TMEM232: variants seen among roughly 807,000 people sequenced by gnomAD.
The protein encoded by TMEM232 is transmembrane protein 232.
In TMEM232, 80 loss-of-function variants were observed where a neutral mutation model predicts 78.8. That is an observed-to-expected ratio of 1.01 (90% confidence interval 0.85 to 1.22). TMEM232 has a LOEUF of 1.22. Ranked by LOEUF, TMEM232 falls within the 50% of genes most tolerant of loss-of-function variation. TMEM232 has a pLI of 0.00. For synonymous variants in TMEM232, 297 were observed against 254.3 expected (o/e 1.17, Z -1.60); for missense variants, 881 against 742.2 (o/e 1.19, Z -2.17).
At chr5:110,416,806 A>G (rs777247144), downstream of TMEM232, among the ~76,000 whole-genome samples, 2 of 152,158 alleles carry the variant, frequency 1.3e-5, no homozygotes, top group Admixed American at 6.5e-5. Context: ...TATGCTCCCT[A>G]TCTCCAAACA....
chr5:110,733,325 C>T (rs1798853283), intron 2 of TMEM232, among the ~76,000 whole-genome samples: 1 of 152,112 alleles, frequency 6.6e-6, no homozygotes, highest in African/African-American at 2.4e-5. Flanking sequence ...CCACTTGACC[C>T]AGAAATCCCA....
chr5:110,602,842 G>A (rs899297582), intron 10 of TMEM232, among the ~76,000 whole-genome samples: 6 of 152,106 alleles, frequency 3.9e-5, no homozygotes, highest in Admixed American at 6.6e-5. Flanking sequence ...ACATGCACAC[G>A]TATGTTTATT....
chr5:110,495,940 GA>G (rs1343680882), intron 12 of TMEM232, among the ~76,000 whole-genome samples: 1 of 151,122 alleles, frequency 6.6e-6, no homozygotes, highest in Non-Finnish European at 1.5e-5. Context: ...TACTGACAAA[GA>G]AATAATAAAA....
At chr5:110,622,385 A>G (rs571446459) in intron 7 of TMEM232, among the ~76,000 whole-genome samples, 6 of 152,324 alleles carry the variant, frequency 3.9e-5, no homozygotes, top group Admixed American at 2.6e-4. Context: ...AGCAGGGTTT[A>G]AATCTACCTT....
intron 12 of TMEM232, among the ~76,000 whole-genome samples, chr5:110,499,640 C>CATAT (rs1461952407): frequency 6.9e-5 from 10 of 145,618 alleles, no homozygotes; most frequent in African/African-American, 2.5e-4. Flanking sequence ...CCCCCCCACA[C>CATAT]ACACACATAT....
At chr5:110,559,660 A>G (rs1439190964) in intron 11 of TMEM232, among the ~76,000 whole-genome samples, 1 of 152,198 alleles carries the variant, frequency 6.6e-6, no homozygotes, top group Non-Finnish European at 1.5e-5. Context: ...TACGTTAAAA[A>G]GGCTGAAAAT....
intron 6 of TMEM232, among the ~76,000 whole-genome samples, chr5:110,626,805 AT>A (rs1223294303): frequency 6.6e-6 from 1 of 152,020 alleles, no homozygotes; most frequent in East Asian, 1.9e-4. Flanking sequence ...ACCTTCTACT[AT>A]TTAATACTTC....
At chr5:110,670,370 C>T (rs993428610) in intron 1 of TMEM232, among the ~76,000 whole-genome samples, 18 of 152,134 alleles carry the variant, frequency 1.2e-4, no homozygotes, top group Non-Finnish European at 2.5e-4. Context: ...CATGAGTGAA[C>T]TCCCATTCAC....
intron 1 of TMEM232, among the ~76,000 whole-genome samples, chr5:110,674,800 A>G (rs903205584): frequency 6.6e-6 from 1 of 152,176 alleles, no homozygotes; most frequent in African/African-American, 2.4e-5. Context: ...CAATATGGAG[A>G]CAAACTTAGA....
intron 1 of TMEM232, among the ~76,000 whole-genome samples, chr5:110,712,400 A>G (rs944465212): frequency 6.6e-6 from 1 of 152,146 alleles, no homozygotes; most frequent in Non-Finnish European, 1.5e-5. Context: ...TCTATAGGAA[A>G]AAAAATCTAA....
In TMEM232 at chr5:110,538,818, T is replaced by G. The variant is rs138947548; in HGVS notation, c.1456-9983A>C. Among the ~76,000 whole-genome samples, 974 of 152,182 alleles carry G rather than the reference T, an allele frequency of 6.4e-3. 19 individuals are homozygous for G. Among genetic ancestry groups the G allele is most frequent in the African/African-American group, 0.022 (898 of 41,506 alleles). On this transcript the variant is annotated intron_variant, in intron 11 of 13. Transcript: ENST00000455884. ...TCATGGGTACCCAAATTCAGTTGTT[T>G]TTTTTTTTGATACAGAAGCAAATTA...
At chr5:110,430,919 T>C (rs974978438) in intron 12 of TMEM232, among the ~76,000 whole-genome samples, 8 of 151,762 alleles carry the variant, frequency 5.3e-5, no homozygotes, top group African/African-American at 1.9e-4. Flanking sequence ...AGGAAGGACC[T>C]GGAGAAGTAA....
chr5:110,657,384 AGTGTGTGTGT>A, intron 2 of TMEM232, among the ~76,000 whole-genome samples: 1 of 149,312 alleles, frequency 6.7e-6, no homozygotes, highest in South Asian at 2.1e-4. Flanking sequence ...TATCTATCTG[AGTGTGTGTGT>A]GTGTGTGTGT....
chr5:110,500,104 C>T lies in TMEM232; in HGVS notation c.1703+28484G>A, dbSNP rs1269681261. 8.6e-5 allele frequency among the ~76,000 whole-genome samples: 13 copies of T among 151,632 alleles called. No individual in the cohort carries two copies. In the East Asian group the frequency reaches 9.7e-4, roughly 11 times the overall value. ...GTCAGGAGTTCAAGACCAGCCTGGCCGACTTAGTGAAACCCTGTCTCTAGT... is the reference window on the plus strand; with the variant it reads ...GTCAGGAGTTCAAGACCAGCCTGGCTGACTTAGTGAAACCCTGTCTCTAGT... On this transcript the variant is annotated intron_variant, in intron 12 of 13. Coordinates refer to ENST00000455884, the MANE Select transcript of TMEM232 (RefSeq NM_001039763.4).
At chr5:110,422,928 A>AT (rs1191920784) in intron 13 of TMEM232, among the ~76,000 whole-genome samples, 1 of 152,198 alleles carries the variant, frequency 6.6e-6, no homozygotes, top group Non-Finnish European at 1.5e-5. Context: ...TCTATGGGAA[A>AT]TGGAAGCACC....
At chr5:110,443,197 G>A (rs535764485) in intron 12 of TMEM232, among the ~76,000 whole-genome samples, 1 of 152,278 alleles carries the variant, frequency 6.6e-6, no homozygotes, top group African/African-American at 2.4e-5. Flanking sequence ...TCCTGGGAAG[G>A]TCCAGAGATG....
At chr5:110,435,189 C>T (rs1333869135) in intron 12 of TMEM232, among the ~76,000 whole-genome samples, 1 of 151,716 alleles carries the variant, frequency 6.6e-6, no homozygotes, top group Admixed American at 6.6e-5. Context: ...CTGATTCCAC[C>T]AGAAGGCTCC....
chr5:110,462,289 TTGAG>T (rs1291986852), intron 12 of TMEM232, among the ~76,000 whole-genome samples: 1 of 152,194 alleles, frequency 6.6e-6, no homozygotes, highest in East Asian at 1.9e-4. Context: ...ATGGTTAATA[TTGAG>T]TGTCAACTTT....
intron 12 of TMEM232, among the ~76,000 whole-genome samples, chr5:110,495,234 T>A (rs1305652021): frequency 2.0e-5 from 3 of 151,876 alleles, no homozygotes; most frequent in Non-Finnish European, 2.9e-5. Flanking sequence ...TATCTATATA[T>A]GTTAACATTC....
Sources: allele counts gnomAD v4.1 joint callset (sites outside exome capture counted in the v4.1 genomes callset), GRCh38; gene constraint gnomAD v4.1.1; transcripts MANE v1.5; gene names NCBI Gene and HGNC (gene_info 2026-07-23, HGNC 2026-07-21).